The following MYOM2 variants were observed in gnomAD, a reference collection of about 807,000 sequenced individuals.
The protein encoded by MYOM2 is myomesin-2.
MYOM2 carries 254 observed loss-of-function variants against 187.6 expected under a neutral mutation model. The ratio of observed to expected loss-of-function variants is 1.35; its 90% CI spans 1.22 to 1.50. The LOEUF (loss-of-function observed/expected upper bound fraction) is 1.50. MYOM2 is among the 40% of genes most tolerant of loss of function. MYOM2 has a pLI of 0.00. For synonymous variants in MYOM2, 981 were observed against 753.8 expected, an observed-to-expected ratio of 1.30 and a Z score of -4.94; for missense variants, 2,796 against 1,924.0, an observed-to-expected ratio of 1.45 and a Z score of -8.48.
chr8:2,076,113 C>G (rs771970773), intron 10 of MYOM2, 28 bp from the exon 11 acceptor site: 1 of 1,599,780 alleles, frequency 6.3e-7, no homozygotes, highest in Non-Finnish European at 8.5e-7. Context: ...AAATGACAGG[C>G]GTGTGCCTTT....
chr8:2,098,541 G>C (rs73657726), intron 18 of MYOM2, among the ~76,000 whole-genome samples: 1 of 152,086 alleles, frequency 6.6e-6, no homozygotes, highest in East Asian at 1.9e-4. Flanking sequence ...GGCAACCGTC[G>C]CCTCTCTGGG....
chr8:2,102,614 C>T lies in MYOM2; in HGVS notation c.2620-53C>T, dbSNP rs111897638. On this transcript the variant is annotated intron_variant, in intron 20 of 36. Coordinates refer to ENST00000262113, the MANE Select transcript of MYOM2 (RefSeq NM_003970.4). ...TCACAATAAAATGTGAAAAACTCCACAGTCATCTTTATTTTACCTCCACAC... is the reference window on the plus strand; with the variant it reads ...TCACAATAAAATGTGAAAAACTCCATAGTCATCTTTATTTTACCTCCACAC... 1,073 of 1,280,758 alleles carry T rather than the reference C, an allele frequency of 8.4e-4. 12 individuals are homozygous for T. In the African/African-American group the frequency reaches 0.014, roughly 17 times the overall value. 79.3% of individuals were successfully genotyped at this position (1,280,758 alleles called of 1,614,324 possible).
chr8:2,085,249 T>C lies in MYOM2; in HGVS notation c.1517-14T>C. ...GGGGTCCTTCAGCACTCACCGAATT[T>C]ATTATTCCTCCAGGTGACGCCCAGG... On this transcript the variant is annotated splice_polypyrimidine_tract_variant and intron_variant, in intron 13 of 36. Coordinates refer to ENST00000262113, the MANE Select transcript of MYOM2 (RefSeq NM_003970.4). 1 of 1,613,428 alleles carries C rather than the reference T, an allele frequency of 6.2e-7. No homozygotes were observed. Among genetic ancestry groups the C allele is most frequent in the South Asian group, 1.1e-5 (1 of 91,004 alleles).
chr8:2,137,297 C>G (rs1798112901), intron 32 of MYOM2, among the ~76,000 whole-genome samples: 1 of 151,926 alleles, frequency 6.6e-6, no homozygotes, highest in African/African-American at 2.4e-5. Flanking sequence ...GTTGCGTCCT[C>G]TTGGTGAGAC....
chr8:2,079,040 CCCTG>C, intron 12 of MYOM2, 107 bp downstream of exon 12: 2 of 1,083,720 alleles, frequency 1.8e-6, no homozygotes, highest in Non-Finnish European at 2.8e-6. Context: ...CCTGAGAATG[CCCTG>C]TGTGCAGAGC....
intron 10 of MYOM2, among the ~76,000 whole-genome samples, chr8:2,074,339 A>G (rs529901107): frequency 6.6e-6 from 1 of 152,144 alleles, no homozygotes; most frequent in South Asian, 2.1e-4. Context: ...TAGGGTAGAG[A>G]AGCTCAGATT....
chr8:2,107,767 C>G (rs1054390884), intron 23 of MYOM2, among the ~76,000 whole-genome samples: 21 of 152,166 alleles, frequency 1.4e-4, no homozygotes, highest in African/African-American at 4.6e-4. Context: ...CTCTGTTGGC[C>G]CTGCCTCCAG....
intron 14 of MYOM2, among the ~76,000 whole-genome samples, chr8:2,087,792 A>C (rs760293923): frequency 3.3e-5 from 5 of 151,840 alleles, no homozygotes; most frequent in Non-Finnish European, 5.9e-5. Flanking sequence ...CTGATTTTTA[A>C]ATTTTTTTTA....
chr8:2,058,936 C>A (rs1003165829), intron 5 of MYOM2, among the ~76,000 whole-genome samples: 6 of 152,216 alleles, frequency 3.9e-5, no homozygotes, highest in Non-Finnish European at 7.3e-5. Context: ...ATGGGGAATC[C>A]CCTGAGAGTC....
At position 2,057,998 on chromosome 8, in the gene MYOM2, G is replaced by GTT. The variant is rs572901199; in HGVS notation, c.560+255_560+256dup. On this transcript the variant is annotated intron_variant, in intron 5 of 36. Transcript: ENST00000262113. ...ATTGAGTCAACAAATTTTTCAGAGG[G>GTT]TTTTTTTTTTTTTTTTTTTTTTTTT... Among the ~76,000 whole-genome samples the GTT allele has an allele frequency of 1.4e-3, 109 of 80,712 alleles. 13 individuals carry two copies. Among genetic ancestry groups the GTT allele is most frequent in the Non-Finnish European group, 1.5e-3 (66 of 43,732 alleles). The allele number at this position is 80,712 out of a possible 152,430, so 53.0% of individuals were successfully genotyped here. A position where few individuals can be genotyped will look rare whatever the true frequency, so the allele number is the denominator to read the frequency against.
chr8:2,065,209 G>T (rs1418238515), intron 6 of MYOM2, among the ~76,000 whole-genome samples: 1 of 152,170 alleles, frequency 6.6e-6, no homozygotes, highest in African/African-American at 2.4e-5. Context: ...AGATAAGAAT[G>T]ATCGGGCTGG....
rs1819530772 is a variant in MYOM2, at chr8:2,078,991, G to A, written c.1462+58G>A. ...CCAGGAAGCTTTGGCTGTTTTGTGTGTGATTTGTTGTCTCTTTCCCTCCCA... is the reference window on the plus strand; with the variant it reads ...CCAGGAAGCTTTGGCTGTTTTGTGTATGATTTGTTGTCTCTTTCCCTCCCA... On this transcript the variant is annotated intron_variant, in intron 12 of 36. Coordinates refer to ENST00000262113, the MANE Select transcript of MYOM2 (RefSeq NM_003970.4). 6 of 1,541,468 alleles carry A rather than the reference G, an allele frequency of 3.9e-6. No homozygotes were observed. In the Admixed American group the frequency reaches 5.1e-5, roughly 13 times the overall value.
At position 2,100,967 on chromosome 8, in the gene MYOM2, T is replaced by C; in HGVS notation, c.2532T>C (p.Val844=). Residue 844 remains valine (V), a synonymous_variant, in exon 20 of 37, where the codon GTT becomes GTC. Transcript: ENST00000262113. The stretch of plus-strand genomic sequence containing the variant: ...CTGTGTACTCCGGCAGCAGCCCTGT[T>C]TCTGGATATTTCGTGGACTTCAGGG... ...KAPVYSGSSP[V]SGYFVDFREE... is the part of the protein sequence containing the mutation. 1 of 1,614,192 alleles carries C rather than the reference T, an allele frequency of 6.2e-7. No homozygotes were observed. The highest frequency in any genetic ancestry group is 8.5e-7 in the Non-Finnish European group (1 of 1,180,028).
At chr8:2,116,179 C>G (rs566227122) in intron 26 of MYOM2, 37 bp from the exon 27 acceptor site, 1 of 1,600,100 alleles carries the variant, frequency 6.2e-7, no homozygotes, top group Admixed American at 1.7e-5. Flanking sequence ...GAGAAGCAAA[C>G]ATGTTTCATA....
chr8:2,143,563 C>A, intron 36 of MYOM2, 107 bp downstream of exon 36: 1 of 1,354,778 alleles, frequency 7.4e-7, no homozygotes, highest in Non-Finnish European at 1.0e-6. Flanking sequence ...GCTTCTGTGT[C>A]CTCACTCAGC....
chr8:2,136,394 C>T (rs534257773), intron 32 of MYOM2, among the ~76,000 whole-genome samples: 1 of 152,162 alleles, frequency 6.6e-6, no homozygotes, highest in Non-Finnish European at 1.5e-5. Flanking sequence ...CAGAAGTGCA[C>T]CAAGTGGGCC....
chr8:2,083,150 A>G (rs1375289891), intron 13 of MYOM2, among the ~76,000 whole-genome samples: 2 of 152,248 alleles, frequency 1.3e-5, no homozygotes, highest in East Asian at 1.9e-4. Flanking sequence ...TTAATAATGC[A>G]TATAACATAT....
At chr8:2,051,476 A>G (rs1455300487) in intron 2 of MYOM2, among the ~76,000 whole-genome samples, 2 of 152,162 alleles carry the variant, frequency 1.3e-5, no homozygotes, top group African/African-American at 4.8e-5. Context: ...GCTGTGGTGA[A>G]GGGAGGGAGG....
intron 13 of MYOM2, among the ~76,000 whole-genome samples, chr8:2,083,272 G>A (rs980430213): frequency 1.3e-5 from 2 of 152,220 alleles, no homozygotes; most frequent in African/African-American, 2.4e-5. Context: ...GGGTAGAACC[G>A]TTGGCCAGTG....
Sources: allele counts gnomAD v4.1 joint callset (sites outside exome capture counted in the v4.1 genomes callset), GRCh38; gene constraint gnomAD v4.1.1; transcripts MANE v1.5; gene names NCBI Gene and HGNC (gene_info 2026-07-23, HGNC 2026-07-21).